INTS6: variants seen among roughly 807,000 people sequenced by gnomAD.
The protein encoded by INTS6 is DEAD box protein.
In INTS6, 16 loss-of-function variants were observed where a neutral mutation model predicts 104.9. The observed-to-expected ratio is 0.15, with a 90% CI of 0.10 to 0.23. INTS6 has a LOEUF of 0.23. Among genes scored for constraint, INTS6 ranks in the 10% least tolerant of loss-of-function variants. The pLI is 1.00. For synonymous variants in INTS6, 324 were observed against 358.7 expected (o/e 0.90, Z 1.09); for missense variants, 584 against 1,062.8 (o/e 0.55, Z 6.26).
chr13:51,403,965 T>C (rs1052443273), intron 4 of INTS6, among the ~76,000 whole-genome samples: 1 of 151,942 alleles, frequency 6.6e-6, no homozygotes, highest in African/African-American at 2.4e-5. Context: ...TTCACACCTG[T>C]CATCCTAGCA....
chr13:51,426,371 C>T (rs1956986184), intron 4 of INTS6, among the ~76,000 whole-genome samples: 1 of 152,006 alleles, frequency 6.6e-6, no homozygotes, highest in Admixed American at 6.6e-5. Flanking sequence ...ATTTTCTAGG[C>T]TCAAAACAAC....
intron 4 of INTS6, among the ~76,000 whole-genome samples, chr13:51,414,781 T>A (rs1272266571): frequency 6.6e-6 from 1 of 151,984 alleles, no homozygotes; most frequent in Admixed American, 6.6e-5. Context: ...CAGGCCTTTA[T>A]AGATTCATTT....
intron 3 of INTS6, among the ~76,000 whole-genome samples, chr13:51,432,927 G>A (rs964800278): frequency 2.0e-5 from 3 of 152,076 alleles, no homozygotes; most frequent in African/African-American, 7.2e-5. Flanking sequence ...CTCTCTCTTG[G>A]TCTCTACCAG....
chr13:51,411,580 A>G (rs866388758), intron 4 of INTS6, among the ~76,000 whole-genome samples: 4 of 151,960 alleles, frequency 2.6e-5, no homozygotes, highest in African/African-American at 9.7e-5. Context: ...GAAAAGAAAC[A>G]CATGAAAAGA....
At chr13:51,341,848 G>A in the INTS6 span, among the ~76,000 whole-genome samples, 1 of 152,186 alleles carries the variant, frequency 6.6e-6, no homozygotes, top group Non-Finnish European at 1.5e-5. Flanking sequence ...CAAGTTCACA[G>A]AGCCAATAAG....
At chr13:51,430,095 A>C (rs779215561) in intron 4 of INTS6, 199 bp downstream of exon 4, 17 of 477,614 alleles carry the variant, frequency 3.6e-5, no homozygotes, top group Non-Finnish European at 5.6e-5. Flanking sequence ...GGGTATGCTC[A>C]AACATTTCTC....
At chr13:51,447,683 G>C (rs1056829183) in intron 3 of INTS6, 1 of 141,396 alleles carries the variant, frequency 7.1e-6, no homozygotes, top group African/African-American at 2.7e-5. Context: ...AAACGGACTT[G>C]CAGGCCAGAG....
Position 51,383,695 on chromosome 13 carries a change from C to T in INTS6, c.941G>A (p.Cys314Tyr), listed in dbSNP as rs1470816770. ...HPVVKFSCTD[C>Y]EPMVIDKLPF... ...AAGTTTATCAATAACCATTGGTTCA[C>T]AGTCTGTACAGGAAAACTTCACTAC... Residue 314 changes from cysteine (C) to tyrosine (Y), a missense_variant, in exon 8 of 18, where the codon TGT (cysteine) becomes TAT (tyrosine). Cys to Tyr is a radical substitution (Grantham distance 194, BLOSUM62 -2). Transcript: ENST00000311234. The T allele has an allele frequency of 6.2e-7, 1 of 1,613,766 alleles. No individual in the cohort carries two copies. The highest frequency in any genetic ancestry group is 8.5e-7 in the Non-Finnish European group (1 of 1,179,860).
At chr13:51,347,027 G>A in the INTS6 span, 1 of 1,574,778 alleles carries the variant, frequency 6.4e-7, no homozygotes, top group Non-Finnish European at 8.6e-7. Flanking sequence ...GCTTGCAGGT[G>A]GGGGCCCCAG....
Position 51,364,356 on chromosome 13 carries a change from TA to T in INTS6, c.*1395del, listed in dbSNP as rs1055399479. The T allele has an allele frequency of 8.7e-6, 7 of 800,522 alleles. No homozygotes were observed. The highest frequency in any genetic ancestry group is 2.0e-5 in the South Asian group (1 of 50,924). The allele number at this position is 800,522 out of a possible 1,614,324, so 49.6% of individuals were successfully genotyped here. A position where few individuals can be genotyped will look rare whatever the true frequency, so the allele number is the denominator to read the frequency against. On this transcript the variant is annotated 3_prime_UTR_variant, in exon 18 of 18. Transcript: ENST00000311234. ...TTCATTTTGCTATACCCTTGAAATTTAAAAAAATGTCTGATAAAGTGTAAAA... is the reference window on the plus strand; with the variant it reads ...TTCATTTTGCTATACCCTTGAAATTTAAAAAATGTCTGATAAAGTGTAAAA...
intron 4 of INTS6, among the ~76,000 whole-genome samples, chr13:51,400,760 G>A (rs1326862054): frequency 2.0e-5 from 3 of 152,160 alleles, no homozygotes; most frequent in Admixed American, 6.6e-5. Context: ...ATAAGAAAAT[G>A]TGGACTAAAT....
chr13:51,417,561 TCTC>T (rs1188965074), intron 4 of INTS6, among the ~76,000 whole-genome samples: 1 of 151,192 alleles, frequency 6.6e-6, no homozygotes, highest in Non-Finnish European at 1.5e-5. Flanking sequence ...TTCAAGCCAT[TCTC>T]CTGTCTCAGC....
At chr13:51,353,852 G>C (rs1404518174), downstream of INTS6, among the ~76,000 whole-genome samples, 6 of 152,020 alleles carry the variant, frequency 3.9e-5, no homozygotes, top group African/African-American at 9.7e-5. Flanking sequence ...TATAGAAAAA[G>C]ACCATCTAAT....
rs1955632272 is a variant in INTS6 at position 51,363,837 on chromosome 13, AC to A, written c.*1914del. ...GAGATGAACAAAACTGCTACTTCTC[AC>A]CTCCCTCCAGGGTTCATTCAGAAAA... On this transcript the variant is annotated 3_prime_UTR_variant, in exon 18 of 18. Coordinates refer to ENST00000311234, the MANE Select transcript of INTS6 (RefSeq NM_012141.3). 6.5e-6 allele frequency: 1 copy of A among 153,428 alleles called. No homozygotes were observed. Among genetic ancestry groups the A allele is most frequent in the African/African-American group, 2.4e-5 (1 of 41,434 alleles). The allele number at this position is 153,428 out of a possible 1,614,324, so 9.5% of individuals were successfully genotyped here.
downstream of INTS6, among the ~76,000 whole-genome samples, chr13:51,356,873 A>G (rs940284292): frequency 1.3e-5 from 2 of 151,810 alleles, no homozygotes; most frequent in African/African-American, 4.8e-5. Flanking sequence ...TTTAATAATT[A>G]TGAAGCAATT....
Position 51,442,141 on chromosome 13 carries a change from A to ATT in INTS6, c.339+8882_339+8883dup, listed in dbSNP as rs59665801. The ATT allele has an allele frequency of 5.5e-3, 739 of 133,618 alleles. 6 individuals are homozygous for ATT. Among genetic ancestry groups the ATT allele is most frequent in the African/African-American group, 8.2e-3 (288 of 35,144 alleles). The allele number at this position is 133,618 out of a possible 1,614,324, so 8.3% of individuals were successfully genotyped here. On this transcript the variant is annotated intron_variant, in intron 3 of 17. Transcript: ENST00000311234. ...AGCCTCTCCTATGTTTTTGACCATG[A>ATT]TTTTTTTTTTTTTTTGAGATGAAGT... is the stretch of plus-strand genomic sequence containing the variant.
intron 4 of INTS6, among the ~76,000 whole-genome samples, chr13:51,420,854 G>C (rs947694387): frequency 2.6e-5 from 4 of 151,358 alleles, no homozygotes; most frequent in African/African-American, 9.7e-5. Flanking sequence ...TTCGGTCTAA[G>C]ACAACAGATA....
chr13:51,391,268 C>A (rs1566219488), intron 5 of INTS6, among the ~76,000 whole-genome samples: 1 of 151,930 alleles, frequency 6.6e-6, no homozygotes, highest in African/African-American at 2.4e-5. Context: ...CATTAAAAAG[C>A]AAAAATTTTA....
At chr13:51,447,878 G>C (rs1339632614) in intron 3 of INTS6, 1 of 151,750 alleles carries the variant, frequency 6.6e-6, no homozygotes, top group African/African-American at 2.4e-5. Flanking sequence ...GACCAACATA[G>C]AGAAACCCAG....
Sources: allele counts gnomAD v4.1 joint callset (sites outside exome capture counted in the v4.1 genomes callset), GRCh38; gene constraint gnomAD v4.1.1; transcripts MANE v1.5; gene names NCBI Gene and HGNC (gene_info 2026-07-23, HGNC 2026-07-21).